The following LIPE variants were observed in gnomAD, a reference collection of about 807,000 sequenced individuals.
The protein encoded by LIPE is lipase E, hormone sensitive type, also known as hormone-sensitive lipase.
Under a neutral mutation model 88.5 loss-of-function variants are expected in LIPE, and 66 were observed. That is an observed-to-expected ratio of 0.75 (90% confidence interval 0.61 to 0.91). The LOEUF (loss-of-function observed/expected upper bound fraction) is 0.91, where lower values mean the gene tolerates loss of function less well. LIPE is among the 40% of genes least tolerant of loss of function. LIPE has a pLI of 0.00. For synonymous variants in LIPE, 570 were observed against 617.5 expected (o/e 0.92, Z 1.14); for missense variants, 1,346 against 1,434.7 (o/e 0.94, Z 1.00).
chr19:42,401,828 C>CCCCCCCCCCCAA lies in LIPE; in HGVS notation c.3214_3215insTTGGGGGGGGGG (p.Cys1072delinsPheGlyGlyGlyGly). On this transcript the variant is annotated protein_altering_variant, in exon 10 of 10. Transcript: ENST00000244289. ...AACAGGCTTTTAGTGTCGCCCCCCGCAGCCCCCGTCTACCCCCGCAGCCCC... is the reference window on the plus strand; with the variant it reads ...AACAGGCTTTTAGTGTCGCCCCCCGCCCCCCCCCCCAAAGCCCCCGTCTACCCCCGCAGCCCC... The CCCCCCCCCCCAA allele has an allele frequency of 6.8e-7, 1 of 1,481,280 alleles. No homozygotes were observed. Among genetic ancestry groups the CCCCCCCCCCCAA allele is most frequent in the Non-Finnish European group, 9.0e-7 (1 of 1,116,870 alleles). The allele number at this position is 1,481,280 out of a possible 1,614,324, so 91.8% of individuals were successfully genotyped here. A position where few individuals can be genotyped will look rare whatever the true frequency, so the allele number is the denominator to read the frequency against.
At chr19:42,412,436 G>T (rs1286104760) in intron 1 of LIPE, 2 of 985,802 alleles carry the variant, frequency 2.0e-6, no homozygotes, top group African/African-American at 1.7e-5. Flanking sequence ...TAGCAGCCTG[G>T]GGCAATAAAC....
Position 42,402,992 on chromosome 19 carries a change from T to G in LIPE, c.2582A>C (p.Gln861Pro). The G allele has an allele frequency of 6.3e-7, 1 of 1,598,800 alleles. No individual in the cohort carries two copies. The highest frequency in any genetic ancestry group is 8.5e-7 in the Non-Finnish European group (1 of 1,176,000). The change falls in exon 9 of 10, where the codon CAG becomes CCG. Residue 861 changes from glutamine (Q) to proline (P), a missense_variant. Coordinates refer to ENST00000244289, the MANE Select transcript of LIPE (RefSeq NM_005357.4). ...ATCCGTGCCCAGTGGGCCCTGGGGC[T>G]GGGCCAGTGCTGCTTCAGACACACT... ...RRSVSEAALAQPQGPLGTDSL... is the reference protein window; with the variant it reads ...RRSVSEAALAPPQGPLGTDSL...
chr19:42,426,830 G>A lies in LIPE; in HGVS notation c.320C>T (p.Thr107Ile). ...QSPYIQRVLLTQQEAASQQGP... is the reference protein window; with the variant it reads ...QSPYIQRVLLIQQEAASQQGP... ...CTGCTGGGAGGCAGCTTCCTGTTGAGTGAGCAGCACCCTTTGGATGTAAGG... is the reference window on the plus strand; with the variant it reads ...CTGCTGGGAGGCAGCTTCCTGTTGAATGAGCAGCACCCTTTGGATGTAAGG... Residue 107 changes from threonine (T) to isoleucine (I), a missense_variant, in exon 1 of 10, where the codon ACT (threonine) becomes ATT (isoleucine). Thr to Ile is a moderately conservative substitution (Grantham distance 89, BLOSUM62 -1). Coordinates refer to ENST00000244289, the MANE Select transcript of LIPE (RefSeq NM_005357.4). 1 of 1,614,176 alleles carries A rather than the reference G, an allele frequency of 6.2e-7. No homozygotes were observed. The highest frequency in any genetic ancestry group is 8.5e-7 in the Non-Finnish European group (1 of 1,180,038).
chr19:42,424,386 A>G, intron 1 of LIPE: 1 of 456,464 alleles, frequency 2.2e-6, no homozygotes, highest in Non-Finnish European at 4.4e-6. Flanking sequence ...TCACACGCAC[A>G]CAGCCAACTG....
Position 42,402,761 on chromosome 19 carries a change from C to G in LIPE, c.2813G>C (p.Arg938Pro), listed in dbSNP as rs776959885. ...LSPMDRGLGV[R>P]AAFPEGFHPR... ...GTGGAAACCCTCGGGGAAGGCGGCA[C>G]GGACGCCCAGGCCTCTGTCCATGGG... Residue 938 changes from arginine (R) to proline (P), a missense_variant, in exon 9 of 10, where the codon CGT becomes CCT. Physicochemically the swap from Arg to Pro is moderately radical, Grantham distance 103 (BLOSUM62 -2). Transcript: ENST00000244289. 1 of 1,586,680 alleles carries G rather than the reference C, an allele frequency of 6.3e-7. No individual in the cohort carries two copies. The highest frequency in any genetic ancestry group is 8.6e-7 in the Non-Finnish European group (1 of 1,161,148).
rs970854214 is a variant in LIPE at position 42,402,466 on chromosome 19, G to C, written c.2967+141C>G. The C allele has an allele frequency of 3.6e-5, 26 of 714,108 alleles. No individual in the cohort carries two copies. In the African/African-American group the frequency reaches 4.1e-4, roughly 11 times the overall value. The allele number at this position is 714,108 out of a possible 1,614,324, so 44.2% of individuals were successfully genotyped here. On this transcript the variant is annotated intron_variant, in intron 9 of 9. Coordinates refer to ENST00000244289, the MANE Select transcript of LIPE (RefSeq NM_005357.4). The stretch of plus-strand genomic sequence containing the variant: ...CCTCCTCCCGTTCGTTCGGGGCATT[G>C]TTCTCCCCTGGGGACACGCCTGTCC...
chr19:42,413,873 C>T lies in LIPE; in HGVS notation c.884-3031G>A, dbSNP rs1019794619. 5.9e-5 allele frequency among the ~76,000 whole-genome samples: 9 copies of T among 152,242 alleles called. No individual in the cohort carries two copies. In the East Asian group the frequency reaches 1.4e-3, roughly 23 times the overall value. On this transcript the variant is annotated intron_variant, in intron 1 of 9. Transcript: ENST00000244289. ...GGAAGGAAGGCATGAAGAAGCAGAG[C>T]GAGGGCAGAGGGGCTAGTTAGCTCA...
In LIPE at chr19:42,406,214, A is replaced by G. The variant is rs778473930; in HGVS notation, c.2312T>C (p.Met771Thr). The change falls in exon 7 of 10, where the codon ATG becomes ACG. Residue 771 changes from methionine to threonine, a missense_variant. Coordinates refer to ENST00000244289, the MANE Select transcript of LIPE (RefSeq NM_005357.4). This position sits in a 1 kb window ranked among gnomAD's most constrained non-coding sequence, Gnocchi z 5.7. Reference sequence around the variant, plus strand: ...CACACTGAGGGGCAGCAAGGGGTCCATGAGGCTCAGCAGGCGGGAGGGAGA... The same window carrying G: ...CACACTGAGGGGCAGCAAGGGGTCCGTGAGGCTCAGCAGGCGGGAGGGAGA... ...AASPSRLLSL[M>T]DPLLPLSVLS... The G allele has an allele frequency of 7.4e-6, 12 of 1,613,734 alleles. No individual in the cohort carries two copies. The highest frequency in any genetic ancestry group is 1.1e-5 in the South Asian group (1 of 91,054).
chr19:42,419,790 C>A (rs1004141421), intron 1 of LIPE, among the ~76,000 whole-genome samples: 2 of 152,038 alleles, frequency 1.3e-5, no homozygotes, highest in Admixed American at 6.6e-5. Flanking sequence ...GAATCAGATG[C>A]AGGTGGGGAC....
intron 1 of LIPE, among the ~76,000 whole-genome samples, chr19:42,425,641 G>A (rs1268510755): frequency 2.0e-5 from 3 of 152,002 alleles, no homozygotes; most frequent in Admixed American, 6.6e-5. Context: ...GCGAGGCCAC[G>A]TCTCTACGGA....
At chr19:42,415,599 A>G (rs946438757) in intron 1 of LIPE, among the ~76,000 whole-genome samples, 4 of 152,026 alleles carry the variant, frequency 2.6e-5, no homozygotes, top group African/African-American at 9.7e-5. Flanking sequence ...TCACGAAGTC[A>G]GGAGATCGGG....
rs1057138173 is a variant in LIPE, at chr19:42,408,576, A to AT, written c.1420-255_1420-254insA. The AT allele has an allele frequency of 8.2e-6, 4 of 488,168 alleles. No homozygotes were observed. The highest frequency in any genetic ancestry group is 1.5e-5 in the Non-Finnish European group (4 of 266,256). The allele number at this position is 488,168 out of a possible 1,614,324, so 30.2% of individuals were successfully genotyped here. On this transcript the variant is annotated intron_variant, in intron 2 of 9. Transcript: ENST00000244289. This position sits in a 1 kb window ranked among gnomAD's most constrained non-coding sequence, Gnocchi z 4.3. ...TGACGAATGGTTTGGAAAAAAAAAAAGGCAGTAGGTGGAGAGGGCACCAGT... is the reference window on the plus strand; with the variant it reads ...TGACGAATGGTTTGGAAAAAAAAAAATGGCAGTAGGTGGAGAGGGCACCAGT...
At chr19:42,421,130 C>T (rs1284572156) in intron 1 of LIPE, among the ~76,000 whole-genome samples, 2 of 152,144 alleles carry the variant, frequency 1.3e-5, no homozygotes, top group African/African-American at 4.8e-5. Context: ...AACTCCTGGA[C>T]TCAAGGGGTC....
rs116104511 is a variant in LIPE at position 42,417,915 on chromosome 19, A to G, written c.884-7073T>C. Among the ~76,000 whole-genome samples, 1,256 of 152,306 alleles carry G rather than the reference A, an allele frequency of 8.2e-3. 20 individuals carry two copies. Among genetic ancestry groups the G allele is most frequent in the African/African-American group, 0.029 (1,185 of 41,564 alleles). On this transcript the variant is annotated intron_variant, in intron 1 of 9. Coordinates refer to ENST00000244289, the MANE Select transcript of LIPE (RefSeq NM_005357.4). ...ACATTTGATAGCAGGAACAATGGCA[A>G]CAAAGGATTTAGACTATGACATAGA...
intron 9 of LIPE, 144 bp from the exon 10 acceptor site, chr19:42,402,219 TGAG>T (rs1263483248): frequency 1.5e-5 from 12 of 779,920 alleles, no homozygotes; most frequent in Non-Finnish European, 2.3e-5. Context: ...ACATGGTGGG[TGAG>T]GAGTTGGGGA....
Position 42,426,392 on chromosome 19 carries a change from A to G in LIPE, c.758T>C (p.Met253Thr), listed in dbSNP as rs749964498. ...GCCTAGCTTCACTCCCTGGGCCACC[A>G]TTCCACCCATCGTGGCTGGAGAATC... ...DTDSPATMGG[M>T]VAQGVKLGFK... The change falls in exon 1 of 10, where the codon ATG (methionine) becomes ACG (threonine). Residue 253 changes from methionine to threonine, a missense_variant. By Grantham distance (81) the Met-to-Thr change is moderately conservative. Transcript: ENST00000244289. The G allele has an allele frequency of 5.0e-6, 8 of 1,614,054 alleles. No homozygotes were observed. In the South Asian group the frequency reaches 7.7e-5, roughly 16 times the overall value.
chr19:42,426,428 G>A lies in LIPE; in HGVS notation c.722C>T (p.Ser241Phe), dbSNP rs747855637. 1.2e-6 allele frequency: 2 copies of A among 1,614,084 alleles called. No individual in the cohort carries two copies. The highest frequency in any genetic ancestry group is 1.1e-5 in the South Asian group (1 of 91,084). ...DSESESDVGS[S>F]SDTDSPATMG... ...CGTGGCTGGAGAATCTGTGTCTGAA[G>A]ATGATCCCACATCTGATTCTGACTC... is the stretch of plus-strand genomic sequence containing the variant. Residue 241 changes from serine (S) to phenylalanine (F), a missense_variant, in exon 1 of 10, where the codon TCT becomes TTT. Ser to Phe is a radical substitution (Grantham distance 155). Coordinates refer to ENST00000244289, the MANE Select transcript of LIPE (RefSeq NM_005357.4).
rs1202831892 is a variant in LIPE, at chr19:42,407,360, G to A, written c.1951C>T (p.His651Tyr). 3 of 1,613,310 alleles carry A rather than the reference G, an allele frequency of 1.9e-6. No homozygotes were observed. The highest frequency in any genetic ancestry group is 1.7e-6 in the Non-Finnish European group (2 of 1,179,796). Residue 651 changes from histidine to tyrosine, a missense_variant, in exon 6 of 10, where the codon CAC becomes TAC. Coordinates refer to ENST00000244289, the MANE Select transcript of LIPE (RefSeq NM_005357.4). The surrounding 1 kb of genome is among the most constrained non-coding windows in gnomAD (Gnocchi z 5.8). ...GTCTGGGCCACAAAGCCACCGCCGT[G>A]GAAGTGCACTATCAGGGACCGCGAG... ...PRSRSLIVHF[H>Y]GGGFVAQTSR... is the part of the protein sequence containing the mutation.
chr19:42,414,746 T>C lies in LIPE; in HGVS notation c.884-3904A>G, dbSNP rs34734442. 0.034 allele frequency among the ~76,000 whole-genome samples: 5,107 copies of C among 152,334 alleles called. 256 individuals carry two copies. The highest frequency in any genetic ancestry group is 0.11 in the African/African-American group (4,738 of 41,548). ...AATTTTCACAGTGTTTCACACTTTT[T>C]CATTATTATTATATTTGTTATGATG... On this transcript the variant is annotated intron_variant, in intron 1 of 9. Coordinates refer to ENST00000244289, the MANE Select transcript of LIPE (RefSeq NM_005357.4). The surrounding 1 kb of genome is among the most constrained non-coding windows in gnomAD (Gnocchi z 4.6).
Sources: allele counts gnomAD v4.1 joint callset (sites outside exome capture counted in the v4.1 genomes callset), GRCh38; gene constraint gnomAD v4.1.1; non-coding constraint Gnocchi (gnomAD v3.1); transcripts MANE v1.5; gene names NCBI Gene and HGNC (gene_info 2026-07-23, HGNC 2026-07-21).